DCP1B: variants seen among roughly 807,000 people sequenced by gnomAD.
DCP1B encodes decapping mRNA 1B.
In DCP1B, 47 loss-of-function variants were observed where a neutral mutation model predicts 60.5. The ratio of observed to expected loss-of-function variants is 0.78; its 90% CI spans 0.61 to 0.99. DCP1B has a LOEUF of 0.99. DCP1B is among the 50% of genes least tolerant of loss of function. DCP1B has a pLI of 0.00. For synonymous variants in DCP1B, 267 were observed against 280.3 expected (o/e 0.95, Z 0.47); for missense variants, 725 against 756.8 (o/e 0.96, Z 0.49).
chr12:2,000,925 T>C (rs2042046436), intron 1 of DCP1B, among the ~76,000 whole-genome samples: 1 of 151,812 alleles, frequency 6.6e-6, no homozygotes, highest in Non-Finnish European at 1.5e-5. Context: ...TAATCCTGGA[T>C]ACTCTGGAGG....
chr12:1,944,612 C>A (rs146012237), downstream of DCP1B, among the ~76,000 whole-genome samples: 833 of 152,086 alleles, frequency 5.5e-3, 7 homozygotes, highest in Middle Eastern at 0.027. Context: ...AGAACAGAGG[C>A]CCTCAGAAAT....
At chr12:1,951,616 C>T (rs2154456530) in intron 7 of DCP1B, among the ~76,000 whole-genome samples, 1 of 152,270 alleles carries the variant, frequency 6.6e-6, no homozygotes, top group East Asian at 1.9e-4. Context: ...CTACAGTAGG[C>T]TATACTGACG....
chr12:1,942,159 G>T (rs2030295532), downstream of DCP1B, among the ~76,000 whole-genome samples: 1 of 152,164 alleles, frequency 6.6e-6, no homozygotes. Context: ...TGATAAAACA[G>T]ACTTTAAACC....
At chr12:1,972,884 G>C (rs1792309266) in intron 3 of DCP1B, among the ~76,000 whole-genome samples, 1 of 152,186 alleles carries the variant, frequency 6.6e-6, no homozygotes, top group Admixed American at 6.5e-5. Flanking sequence ...AGGGAATTAA[G>C]CTTTCTGGTA....
At chr12:1,980,684 T>C (rs985451722) in intron 3 of DCP1B, among the ~76,000 whole-genome samples, 4 of 150,886 alleles carry the variant, frequency 2.7e-5, no homozygotes, top group African/African-American at 9.7e-5. Context: ...TACCTTTAAC[T>C]ATTTTTAATA....
At chr12:1,954,536 GTATA>G (rs34045825) in intron 6 of DCP1B, among the ~76,000 whole-genome samples, 89,501 of 150,242 alleles carry the variant, frequency 0.6, 27,536 homozygotes, top group African/African-American at 0.78. Flanking sequence ...ATTCTGAAGT[GTATA>G]TATATATATA....
intron 3 of DCP1B, 33 bp downstream of exon 3, chr12:1,993,231 G>C: frequency 1.2e-6 from 2 of 1,614,028 alleles, no homozygotes; most frequent in Non-Finnish European, 1.7e-6. Flanking sequence ...AACTTCAGAA[G>C]TAAAACAACC....
At chr12:1,985,095 A>G (rs924712650) in intron 3 of DCP1B, among the ~76,000 whole-genome samples, 42 of 151,486 alleles carry the variant, frequency 2.8e-4, no homozygotes, top group African/African-American at 9.7e-4. Context: ...TGTCATGGGC[A>G]TGGTTTTCTT....
chr12:1,946,409 G>A (rs2030425522), intron 8 of DCP1B, 123 bp from the exon 9 acceptor site: 1 of 679,182 alleles, frequency 1.5e-6, no homozygotes, highest in Non-Finnish European at 2.3e-6. Flanking sequence ...CTGTCTAACA[G>A]CTGGTGGTTT....
rs570843986 is a variant in DCP1B at position 1,953,184 on chromosome 12, C to G, written c.756G>C (p.Gln252His). 40 of 1,610,980 alleles carry G rather than the reference C, an allele frequency of 2.5e-5. No individual in the cohort carries two copies. The highest frequency in any genetic ancestry group is 1.2e-4 in the African/African-American group (9 of 74,840). ...ETVEPPQTLHQQQQQQQQQQE... is the reference protein window; with the variant it reads ...ETVEPPQTLHHQQQQQQQQQE... Reference sequence around the variant, plus strand: ...GCTGCTGCTGCTGCTGCTGCTGCTGCTGGTGGAGAGTCTGCGGAGGCTCCA... The same window carrying G: ...GCTGCTGCTGCTGCTGCTGCTGCTGGTGGTGGAGAGTCTGCGGAGGCTCCA... Residue 252 changes from glutamine (Q) to histidine (H), a missense_variant, in exon 7 of 9, where the codon CAG (glutamine) becomes CAC (histidine). Transcript: ENST00000280665.
In DCP1B at chr12:1,946,480, T is replaced by C. The variant is rs544974013; in HGVS notation, c.1774-194A>G. ...GCAAGGCCGGACAGAGCTGATGGTT[T>C]TCCATGGTCAGTATGCACAGCAGCA... On this transcript the variant is annotated intron_variant, in intron 8 of 8. Transcript: ENST00000280665. Among the ~76,000 whole-genome samples, 114 of 152,338 alleles carry C rather than the reference T, an allele frequency of 7.5e-4. 4 individuals are homozygous for C. The South Asian group carries it at 0.023, about 30-fold the overall frequency.
At chr12:1,943,653 G>A (rs2030333151), downstream of DCP1B, among the ~76,000 whole-genome samples, 1 of 152,160 alleles carries the variant, frequency 6.6e-6, no homozygotes, top group South Asian at 2.1e-4. Context: ...ACCAATAAAC[G>A]TCATCCATCA....
At chr12:2,002,419 G>A (rs1037626775) in intron 1 of DCP1B, among the ~76,000 whole-genome samples, 1 of 152,148 alleles carries the variant, frequency 6.6e-6, no homozygotes, top group Non-Finnish European at 1.5e-5. Context: ...TTGAAAGAAT[G>A]ACCTTTTCCT....
intron 1 of DCP1B, among the ~76,000 whole-genome samples, chr12:1,999,276 A>G (rs1045752975): frequency 6.6e-6 from 1 of 152,250 alleles, no homozygotes; most frequent in African/African-American, 2.4e-5. Context: ...ATGAAATTAT[A>G]TTACAAGTCC....
chr12:1,965,340 A>C (rs1247276426), intron 5 of DCP1B, among the ~76,000 whole-genome samples: 1 of 152,206 alleles, frequency 6.6e-6, no homozygotes, highest in African/African-American at 2.4e-5. Flanking sequence ...GTATATATGA[A>C]GGCTACTGAT....
At chr12:1,994,351 T>C (rs2040279085) in intron 2 of DCP1B, among the ~76,000 whole-genome samples, 1 of 152,226 alleles carries the variant, frequency 6.6e-6, no homozygotes, top group African/African-American at 2.4e-5. Flanking sequence ...GTTGTTTATG[T>C]CTTAGTTTTA....
At chr12:1,952,169 TTGTC>T (rs1035933662) in intron 7 of DCP1B, among the ~76,000 whole-genome samples, 2 of 152,166 alleles carry the variant, frequency 1.3e-5, no homozygotes, top group African/African-American at 4.8e-5. Context: ...ACCTTTTTCT[TTGTC>T]TGTCTTTTTT....
At chr12:1,996,860 A>G (rs1833028360) in intron 2 of DCP1B, among the ~76,000 whole-genome samples, 1 of 152,088 alleles carries the variant, frequency 6.6e-6, no homozygotes, top group Non-Finnish European at 1.5e-5. Flanking sequence ...TACCATAAAC[A>G]TGAATATATG....
chr12:2,002,890 A>G (rs2042496626), intron 1 of DCP1B, among the ~76,000 whole-genome samples: 1 of 152,204 alleles, frequency 6.6e-6, no homozygotes, highest in Non-Finnish European at 1.5e-5. Context: ...AACGAAGGTG[A>G]CACCTCGAAA....
Sources: allele counts gnomAD v4.1 joint callset (sites outside exome capture counted in the v4.1 genomes callset), GRCh38; gene constraint gnomAD v4.1.1; transcripts MANE v1.5; gene names NCBI Gene and HGNC (gene_info 2026-07-23, HGNC 2026-07-21).